The following RNF152 variants were observed in gnomAD, a reference collection of about 807,000 sequenced individuals.
RNF152 encodes the protein E3 ubiquitin-protein ligase RNF152.
A neutral mutation model predicts 12.7 loss-of-function variants in RNF152; 11 were observed. The ratio of observed to expected loss-of-function variants is 0.86; its 90% CI spans 0.54 to 1.43. The LOEUF (loss-of-function observed/expected upper bound fraction) is 1.43, where lower values mean the gene tolerates loss of function less well. RNF152 is among the 40% of genes most tolerant of loss of function. RNF152 has a pLI of 0.00. For missense variants in RNF152, 255 were observed against 274.8 expected, an observed-to-expected ratio of 0.93 and a Z score of 0.51; for synonymous variants, 113 against 120.3, an observed-to-expected ratio of 0.94 and a Z score of 0.40.
intron 1 of RNF152, among the ~76,000 whole-genome samples, chr18:61,879,920 C>G (rs113778872): frequency 0.044 from 6,736 of 151,774 alleles, 215 homozygotes; most frequent in Middle Eastern, 0.061. Context: ...AGCCGAGATC[C>G]CGCCATTGCA....
rs1908949257 is a variant in RNF152, at chr18:61,814,098, G to A, written c.*1754C>T. ...GAAAAATCAGAGCTCACAATTTTAT[G>A]TTGAATTCTCATGCCAATTAGCAGT... On this transcript the variant is annotated 3_prime_UTR_variant, in exon 2 of 2. Transcript: ENST00000312828. The A allele has an allele frequency of 6.6e-6, 1 of 152,132 alleles. No individual in the cohort carries two copies. The highest frequency in any genetic ancestry group is 1.5e-5 in the Non-Finnish European group (1 of 68,012). The allele number at this position is 152,132 out of a possible 1,614,324, so 9.4% of individuals were successfully genotyped here. A position where few individuals can be genotyped will look rare whatever the true frequency, so the allele number is the denominator to read the frequency against.
intron 1 of RNF152, among the ~76,000 whole-genome samples, chr18:61,886,358 C>T (rs1439541641): frequency 6.6e-6 from 1 of 152,158 alleles, no homozygotes; most frequent in East Asian, 1.9e-4. Flanking sequence ...GTGGCAAACA[C>T]ACAATGGTGT....
In RNF152 at chr18:61,816,414, T is replaced by C; in HGVS notation, c.50A>G (p.Asn17Ser). Residue 17 changes from asparagine to serine, a missense_variant, in exon 2 of 2, where the codon AAT becomes AGT. Physicochemically the swap from Asn to Ser is conservative, Grantham distance 46. Coordinates refer to ENST00000312828, the MANE Select transcript of RNF152 (RefSeq NM_173557.3). Reference sequence around the variant, plus strand: ...GGGCCTGCGCCGGGGGCTGTAGTAATTGAAACAGATCTGACATTCCAGCAG... The same window carrying C: ...GGGCCTGCGCCGGGGGCTGTAGTAACTGAAACAGATCTGACATTCCAGCAG... ...DSLLECQICF[N>S]YYSPRRRPKL... The C allele has an allele frequency of 1.2e-6, 2 of 1,613,306 alleles. No individual in the cohort carries two copies. The highest frequency in any genetic ancestry group is 1.7e-6 in the Non-Finnish European group (2 of 1,179,474).
Position 61,816,307 on chromosome 18 carries a change from A to G in RNF152, c.157T>C (p.Trp53Arg). 5 of 1,614,172 alleles carry G rather than the reference A, an allele frequency of 3.1e-6. No individual in the cohort carries two copies. The highest frequency in any genetic ancestry group is 4.2e-6 in the Non-Finnish European group (5 of 1,180,010). The change falls in exon 2 of 2, where the codon TGG (tryptophan) becomes CGG (arginine). Residue 53 changes from tryptophan to arginine, a missense_variant. Transcript: ENST00000312828. ...RTSQKDVRCP[W>R]CRGVTKLPPG... ...GGCAGCTTGGTGACACCGCGGCACC[A>G]GGGGCACCGCACATCCTTCTGGCTG...
At chr18:61,878,921 T>G (rs1912332206) in intron 1 of RNF152, among the ~76,000 whole-genome samples, 1 of 152,212 alleles carries the variant, frequency 6.6e-6, no homozygotes, top group African/African-American at 2.4e-5. Context: ...TTCCTACAGC[T>G]AAAGAACTTA....
chr18:61,842,420 G>C (rs971235523), intron 1 of RNF152, among the ~76,000 whole-genome samples: 1 of 152,222 alleles, frequency 6.6e-6, no homozygotes, highest in Non-Finnish European at 1.5e-5. Context: ...GGAGGCTGCT[G>C]TCATTGCTGG....
At chr18:61,831,221 A>G (rs1909927360) in intron 1 of RNF152, among the ~76,000 whole-genome samples, 1 of 152,230 alleles carries the variant, frequency 6.6e-6, no homozygotes, top group South Asian at 2.1e-4. Flanking sequence ...TTAGGTCCTC[A>G]GATCACCACT....
At position 61,832,588 on chromosome 18, in the gene RNF152, T is replaced by C. The variant is rs540907460; in HGVS notation, c.-135-15990A>G. ...TGAAAAAAATTCTCAATAACTTATC[T>C]TTCTCAGGATAGTCATGAAAAGTAT... On this transcript the variant is annotated intron_variant, in intron 1 of 1. Transcript: ENST00000312828. Among the ~76,000 whole-genome samples the C allele has an allele frequency of 4.7e-4, 72 of 152,324 alleles. 2 individuals carry two copies. The South Asian group carries it at 0.014, about 30-fold the overall frequency.
intron 1 of RNF152, among the ~76,000 whole-genome samples, chr18:61,817,356 T>C (rs1361378451): frequency 6.6e-6 from 1 of 152,212 alleles, no homozygotes; most frequent in African/African-American, 2.4e-5. Context: ...TACTTAGGCT[T>C]GTACCAAGTA....
upstream of RNF152, chr18:61,893,762 C>A (rs1010369736): frequency 1.3e-5 from 2 of 151,828 alleles, no homozygotes; most frequent in African/African-American, 4.8e-5. Flanking sequence ...ACGTGCACAC[C>A]CAGGGGCGCG....
chr18:61,892,274 C>T (rs566962156), intron 1 of RNF152, among the ~76,000 whole-genome samples: 2 of 152,318 alleles, frequency 1.3e-5, no homozygotes, highest in South Asian at 2.1e-4. Flanking sequence ...GTACTCACTG[C>T]TAGCATGTCT....
At chr18:61,871,217 A>AC (rs1911983783) in intron 1 of RNF152, among the ~76,000 whole-genome samples, 1 of 71,086 alleles carries the variant, frequency 1.4e-5, no homozygotes, top group East Asian at 4.2e-4. Context: ...CCCCACCCCA[A>AC]AAAAAAACAG....
Position 61,815,187 on chromosome 18 carries a change from G to T in RNF152, c.*665C>A, listed in dbSNP as rs553089390. On this transcript the variant is annotated 3_prime_UTR_variant, in exon 2 of 2. Transcript: ENST00000312828. ...TTATTGCTCCCCTGTTGAGCTTTCA[G>T]TTCCATAAACACGTAGCAAGCTCTA... The T allele has an allele frequency of 6.5e-6, 1 of 152,692 alleles. No homozygotes were observed. The highest frequency in any genetic ancestry group is 2.4e-5 in the African/African-American group (1 of 41,542). 9.5% of individuals were successfully genotyped at this position (152,692 alleles called of 1,614,324 possible).
At chr18:61,872,031 C>G (rs1269809682) in intron 1 of RNF152, among the ~76,000 whole-genome samples, 6 of 152,152 alleles carry the variant, frequency 3.9e-5, no homozygotes, top group Admixed American at 3.9e-4. Context: ...GCAGGCTGTA[C>G]AGTAAGCATG....
In RNF152 at chr18:61,816,063, G is replaced by A; in HGVS notation, c.401C>T (p.Thr134Ile). ...GSQQKSVTVV[T>I]IPAEQQPLQG... ...CAGAGGCTGCTGTTCAGCAGGGATG[G>A]TCACCACGGTGACGGACTTCTGCTG... Residue 134 changes from threonine to isoleucine, a missense_variant, in exon 2 of 2, where the codon ACC becomes ATC. Coordinates refer to ENST00000312828, the MANE Select transcript of RNF152 (RefSeq NM_173557.3). The A allele has an allele frequency of 6.2e-7, 1 of 1,614,224 alleles. No individual in the cohort carries two copies. Among genetic ancestry groups the A allele is most frequent in the Non-Finnish European group, 8.5e-7 (1 of 1,180,050 alleles).
intron 1 of RNF152, among the ~76,000 whole-genome samples, chr18:61,825,788 C>A (rs1275348341): frequency 6.6e-6 from 1 of 152,126 alleles, no homozygotes; most frequent in Admixed American, 6.5e-5. Context: ...TCTACAGGAC[C>A]CCCAAAGGCC....
Position 61,816,464 on chromosome 18 carries a change from G to T in RNF152, c.-1C>A. ...GAGAGTCCTGGGACAGCGTCTCCATGGTGGACCGTGAGCAGGAAGGGCAAG... is the reference window on the plus strand; with the variant it reads ...GAGAGTCCTGGGACAGCGTCTCCATTGTGGACCGTGAGCAGGAAGGGCAAG... On this transcript the variant is annotated 5_prime_UTR_variant, in exon 2 of 2. Transcript: ENST00000312828. The T allele has an allele frequency of 6.3e-7, 1 of 1,593,836 alleles. No individual in the cohort carries two copies. Among genetic ancestry groups the T allele is most frequent in the South Asian group, 1.1e-5 (1 of 89,228 alleles).
chr18:61,837,814 CACAG>C (rs1380129054), intron 1 of RNF152, among the ~76,000 whole-genome samples: 2 of 152,210 alleles, frequency 1.3e-5, no homozygotes, highest in Admixed American at 6.5e-5. Flanking sequence ...TTCTATTTTG[CACAG>C]ACAAAGTGTC....
chr18:61,869,586 G>A lies in RNF152; in HGVS notation c.-136+23209C>T, dbSNP rs144126658. 2.4e-3 allele frequency among the ~76,000 whole-genome samples: 363 copies of A among 152,292 alleles called. 4 individuals carry two copies. Among genetic ancestry groups the A allele is most frequent in the African/African-American group, 8.0e-3 (333 of 41,554 alleles). On this transcript the variant is annotated intron_variant, in intron 1 of 1. Coordinates refer to ENST00000312828, the MANE Select transcript of RNF152 (RefSeq NM_173557.3). Reference sequence around the variant, plus strand: ...ACTTTACACTCACACCTTCAATAAAGGATGTAGCAAAGTTTGGCATCAAGA... The same window carrying A: ...ACTTTACACTCACACCTTCAATAAAAGATGTAGCAAAGTTTGGCATCAAGA...
Sources: allele counts gnomAD v4.1 joint callset (sites outside exome capture counted in the v4.1 genomes callset), GRCh38; gene constraint gnomAD v4.1.1; transcripts MANE v1.5; gene names NCBI Gene and HGNC (gene_info 2026-07-23, HGNC 2026-07-21).